TRPM6: variants seen among roughly 807,000 people sequenced by gnomAD.
The protein encoded by TRPM6 is transient receptor potential cation channel subfamily M member 6, also known as channel kinase 2.
A neutral mutation model predicts 247.6 loss-of-function variants in TRPM6; 111 were observed. That is an observed-to-expected ratio of 0.45 (90% CI 0.38 to 0.52). The LOEUF is 0.52. Among genes scored for constraint, TRPM6 ranks in the 20% least tolerant of loss-of-function variants. The probability of loss-of-function intolerance (pLI) is 0.00; values close to 1 mark genes in which losing one functional copy is unlikely to be tolerated. For missense variants in TRPM6, 2,126 were observed against 2,421.5 expected (o/e 0.88, Z 2.56); for synonymous variants, 892 against 853.8 (o/e 1.04, Z -0.78).
intron 21 of TRPM6, among the ~76,000 whole-genome samples, chr9:74,785,481 C>T (rs7035283): frequency 0.049 from 7,404 of 152,172 alleles, 562 homozygotes; most frequent in African/African-American, 0.16. Flanking sequence ...CCATATACCC[C>T]GTAAATACAT....
chr9:74,738,705 C>T, intron 35 of TRPM6, 93 bp from the exon 36 acceptor site: 1 of 1,082,240 alleles, frequency 9.2e-7, no homozygotes, highest in Non-Finnish European at 1.4e-6. Context: ...GATTACCTAA[C>T]TCTGGTATGA....
chr9:74,774,049 T>C (rs972210540), intron 24 of TRPM6, among the ~76,000 whole-genome samples: 4 of 152,188 alleles, frequency 2.6e-5, no homozygotes, highest in African/African-American at 9.7e-5. Context: ...GCTTGCAGTA[T>C]GTGGCGCTTT....
At chr9:74,798,412 G>A (rs1421941433) in intron 17 of TRPM6, among the ~76,000 whole-genome samples, 1 of 152,032 alleles carries the variant, frequency 6.6e-6, no homozygotes, top group Non-Finnish European at 1.5e-5. Context: ...CAAAATACGT[G>A]CAATCTTCTA....
In TRPM6 at chr9:74,858,666, T is replaced by C. The variant is rs756480413; in HGVS notation, c.113+3A>G. 4 of 1,609,328 alleles carry C rather than the reference T, an allele frequency of 2.5e-6. No homozygotes were observed. The Admixed American group carries it at 6.7e-5, about 27-fold the overall frequency. ...AAAAGAAGAAGGTAATTGAAAATTT[T>C]ACCTGTGAGGATTTTTTGAGCTGGG... On this transcript the variant is annotated splice_donor_region_variant and intron_variant, in intron 2 of 38. Transcript: ENST00000360774.
intron 27 of TRPM6, among the ~76,000 whole-genome samples, chr9:74,756,681 CAAAAAAA>C (rs1217543421): frequency 7.0e-4 from 36 of 51,748 alleles, no homozygotes; most frequent in African/African-American, 8.4e-4. Flanking sequence ...CCCGTCTCTA[CAAAAAAA>C]AAAAAAAAAA....
In TRPM6 at chr9:74,858,657, T is replaced by A. The variant is rs201888532; in HGVS notation, c.113+12A>T. ...GTTGCTTTTAAAAGAAGAAGGTAAT[T>A]GAAAATTTTACCTGTGAGGATTTTT... On this transcript the variant is annotated intron_variant, in intron 2 of 38. Transcript: ENST00000360774. The A allele has an allele frequency of 6.3e-7, 1 of 1,597,880 alleles. No individual in the cohort carries two copies. The highest frequency in any genetic ancestry group is 2.2e-5 in the East Asian group (1 of 44,682).
At chr9:74,800,055 C>A in intron 17 of TRPM6, 199 bp downstream of exon 17, 1 of 610,136 alleles carries the variant, frequency 1.6e-6, no homozygotes, top group South Asian at 1.9e-5. Context: ...CAGAAGACGA[C>A]CATCCCCGAT....
chr9:74,861,877 C>T (rs1023287265), intron 1 of TRPM6, among the ~76,000 whole-genome samples: 22 of 151,946 alleles, frequency 1.4e-4, no homozygotes, highest in African/African-American at 5.3e-4. Context: ...TCACATCTTC[C>T]CTGGACTCCA....
chr9:74,735,000 C>A (rs1825646571), intron 36 of TRPM6, among the ~76,000 whole-genome samples: 1 of 152,076 alleles, frequency 6.6e-6, no homozygotes, highest in Non-Finnish European at 1.5e-5. Flanking sequence ...ATCTCTTGAG[C>A]CCAGGAGTTT....
intron 1 of TRPM6, chr9:74,887,500 G>A: frequency 2.7e-6 from 3 of 1,110,606 alleles, no homozygotes; most frequent in South Asian, 1.4e-5. Flanking sequence ...CTCTCCCGGG[G>A]TGTTTCCCAC....
rs772130108 is a variant in TRPM6 at position 74,747,901 on chromosome 9, T to C, written c.5071A>G (p.Ile1691Val). The change falls in exon 31 of 39, where the codon ATT becomes GTT. Residue 1691 changes from isoleucine (I) to valine (V), a missense_variant. By Grantham distance (29) the Ile-to-Val change is conservative. Transcript: ENST00000360774. ...CAGAAAAACTTACTGTCAACTCCAA[T>C]TGAACTTTTCAGCCTGTTTGAAAAA... is the stretch of plus-strand genomic sequence containing the variant. ...LNRNSLLKSS[I>V]GVDKISASLK... The C allele has an allele frequency of 4.3e-6, 7 of 1,611,132 alleles. No individual in the cohort carries two copies. The African/African-American group carries it at 5.3e-5, about 12-fold the overall frequency.
In TRPM6 at chr9:74,792,692, G is replaced by A; in HGVS notation, c.2470C>T (p.His824Tyr). The change falls in exon 19 of 39, where the codon CAC becomes TAC. Residue 824 changes from histidine to tyrosine, a missense_variant. Physicochemically the swap from His to Tyr is moderately conservative, Grantham distance 83. Transcript: ENST00000360774. ...QHFGLESGHQ[H>Y]LPWTRKVYEF... Reference sequence around the variant, plus strand: ...TAGACTTTCCTGGTCCACGGAAGGTGTTGGTGCCCACTTTCCAAACCAAAA... The same window carrying A: ...TAGACTTTCCTGGTCCACGGAAGGTATTGGTGCCCACTTTCCAAACCAAAA... 1 of 1,613,990 alleles carries A rather than the reference G, an allele frequency of 6.2e-7. No individual in the cohort carries two copies. Among genetic ancestry groups the A allele is most frequent in the Middle Eastern group, 1.6e-4 (1 of 6,062 alleles).
At chr9:74,802,952 A>G (rs1369764360) in intron 15 of TRPM6, among the ~76,000 whole-genome samples, 3 of 152,140 alleles carry the variant, frequency 2.0e-5, no homozygotes, top group Non-Finnish European at 4.4e-5. Context: ...CTCGGACACA[A>G]TTATATCCTC....
intron 37 of TRPM6, among the ~76,000 whole-genome samples, chr9:74,728,917 C>CAA (rs1426413702): frequency 6.6e-6 from 1 of 152,170 alleles, no homozygotes; most frequent in East Asian, 1.9e-4. Flanking sequence ...TGTGGAAAGA[C>CAA]AAGACTATGA....
intron 38 of TRPM6, among the ~76,000 whole-genome samples, chr9:74,725,171 C>T (rs1420547884): frequency 6.6e-6 from 1 of 152,160 alleles, no homozygotes; most frequent in Non-Finnish European, 1.5e-5. Context: ...AGGTTTGGTA[C>T]AGCCAATAAA....
At chr9:74,846,691 G>A (rs557256025) in intron 3 of TRPM6, among the ~76,000 whole-genome samples, 2 of 151,732 alleles carry the variant, frequency 1.3e-5, no homozygotes, top group East Asian at 1.9e-4. Flanking sequence ...GGATTACAGG[G>A]GTGTGTCACC....
At chr9:74,830,238 G>A (rs1829495398) in intron 6 of TRPM6, among the ~76,000 whole-genome samples, 1 of 151,766 alleles carries the variant, frequency 6.6e-6, no homozygotes, top group African/African-American at 2.4e-5. Context: ...TAGCAATCAG[G>A]GAAATGTAAA....
intron 9 of TRPM6, among the ~76,000 whole-genome samples, chr9:74,818,676 C>G (rs1829035984): frequency 1.3e-5 from 2 of 152,188 alleles, no homozygotes. Context: ...CATTTCCAAA[C>G]TGGAAATAAC....
intron 33 of TRPM6, among the ~76,000 whole-genome samples, chr9:74,741,336 C>CAT (rs369129898): frequency 0.023 from 3,500 of 150,372 alleles, 136 homozygotes; most frequent in African/African-American, 0.08. Flanking sequence ...TATATAGAAG[C>CAT]ATATATATAT....
Sources: gnomAD v4.1 joint callset for allele counts (sites outside exome capture counted in the v4.1 genomes callset) on GRCh38, gnomAD v4.1.1 for gene constraint, MANE v1.5 for transcripts, NCBI Gene and HGNC (gene_info 2026-07-23, HGNC 2026-07-21) for gene names.